The following SLC44A5 variants were observed in gnomAD, a reference collection of about 807,000 sequenced individuals.
SLC44A5 encodes choline transporter-like protein 5.
A neutral mutation model predicts 101.8 loss-of-function variants in SLC44A5; 57 were observed. The observed-to-expected ratio is 0.56, with a 90% CI of 0.45 to 0.70. The LOEUF (loss-of-function observed/expected upper bound fraction) is 0.70. SLC44A5 is among the 30% of genes least tolerant of loss of function. The probability of loss-of-function intolerance (pLI) is 0.00; values close to 1 mark genes in which losing one functional copy is unlikely to be tolerated. For synonymous variants in SLC44A5, 281 were observed against 290.9 expected (o/e 0.97, Z 0.35); for missense variants, 737 against 853.1 (o/e 0.86, Z 1.70).
At chr1:75,604,304 T>C (rs1675191414) in intron 1 of SLC44A5, among the ~76,000 whole-genome samples, 3 of 152,248 alleles carry the variant, frequency 2.0e-5, no homozygotes, top group Middle Eastern at 3.4e-3. Context: ...GTTTACTTTG[T>C]TGAAGGTCAG....
the SLC44A5 span, among the ~76,000 whole-genome samples, chr1:75,699,356 G>T: frequency 4.9e-4 from 74 of 151,968 alleles, 1 homozygote; most frequent in East Asian, 2.7e-3. Flanking sequence ...TTCAACATTC[G>T]TAAAGAAAAG....
intron 3 of SLC44A5, among the ~76,000 whole-genome samples, chr1:75,358,487 T>A (rs1302696301): frequency 6.6e-6 from 1 of 152,178 alleles, no homozygotes; most frequent in East Asian, 1.9e-4. Context: ...TTAAGGTATA[T>A]AATGTGATGA....
At chr1:75,401,921 A>G (rs143759950) in intron 2 of SLC44A5, among the ~76,000 whole-genome samples, 15 of 152,334 alleles carry the variant, frequency 9.8e-5, no homozygotes, top group African/African-American at 3.6e-4. Context: ...CTAGCAGACA[A>G]AATTTCAAGA....
the SLC44A5 span, among the ~76,000 whole-genome samples, chr1:75,674,739 A>G: frequency 2.6e-3 from 392 of 152,318 alleles, 4 homozygotes; most frequent in African/African-American, 9.1e-3. Flanking sequence ...ATAGCCTCAA[A>G]AGGGCAAAAC....
Position 75,339,623 on chromosome 1 carries a change from T to A in SLC44A5, c.60A>T (p.Pro20=). The change falls in exon 4 of 24, where the codon CCA becomes CCT. Residue 20 remains proline (P), a synonymous_variant. Transcript: ENST00000370859. ...CCTTGAAATCTGGGTCATATGTCCT[T>A]GGATCACCTGCATTTAAAACAAAGA... ...TPSEEEDFGD[P]RTYDPDFKGP... The A allele has an allele frequency of 1.2e-6, 2 of 1,608,248 alleles. No homozygotes were observed. The highest frequency in any genetic ancestry group is 1.7e-6 in the Non-Finnish European group (2 of 1,177,138).
intron 2 of SLC44A5, among the ~76,000 whole-genome samples, chr1:75,444,557 A>C (rs969094283): frequency 1.7e-4 from 26 of 150,870 alleles, no homozygotes; most frequent in Admixed American, 1.2e-3. Flanking sequence ...AATAAGGAAA[A>C]ATTTTATTGT....
intron 15 of SLC44A5, 84 bp downstream of exon 15, chr1:75,219,716 G>T: frequency 1.2e-6 from 1 of 846,550 alleles, no homozygotes; most frequent in Non-Finnish European, 1.9e-6. Flanking sequence ...TCTTCCCAGG[G>T]ATAGAAAACA....
chr1:75,242,503 G>A (rs1648722786), intron 8 of SLC44A5, among the ~76,000 whole-genome samples: 1 of 151,986 alleles, frequency 6.6e-6, no homozygotes, highest in African/African-American at 2.4e-5. Context: ...TTATCAAACT[G>A]GGCTTGGAAA....
chr1:75,342,813 G>A (rs1363846848), intron 3 of SLC44A5, among the ~76,000 whole-genome samples: 5 of 152,126 alleles, frequency 3.3e-5, no homozygotes, highest in East Asian at 1.9e-4. Context: ...TGCCTGAAAA[G>A]CTGACATTTT....
intron 1 of SLC44A5, among the ~76,000 whole-genome samples, chr1:75,580,676 T>C (rs1358498215): frequency 6.6e-6 from 1 of 151,808 alleles, no homozygotes; most frequent in Non-Finnish European, 1.5e-5. Flanking sequence ...CTGTCTCTGC[T>C]AAAAATACAA....
At chr1:75,274,834 G>T in intron 6 of SLC44A5, 124 bp downstream of exon 6, 1 of 732,978 alleles carries the variant, frequency 1.4e-6, no homozygotes. Flanking sequence ...TAGAAAAAAG[G>T]GAGGGAAGGC....
At chr1:75,432,737 T>A (rs1194335572) in intron 2 of SLC44A5, among the ~76,000 whole-genome samples, 2 of 152,150 alleles carry the variant, frequency 1.3e-5, no homozygotes, top group Non-Finnish European at 2.9e-5. Flanking sequence ...CAAATGATGT[T>A]TAGAGATCTC....
In SLC44A5 at chr1:75,351,970, G is replaced by A. The variant is rs755897795; in HGVS notation, c.53-12340C>T. On this transcript the variant is annotated intron_variant, in intron 3 of 23. Transcript: ENST00000370859. ...ATTGAATTACTAATATCTAGAATAT[G>A]TAAAAAATCCCCCTTTTTTAAGCAC... Among the ~76,000 whole-genome samples, 36 of 149,812 alleles carry A rather than the reference G, an allele frequency of 2.4e-4. 1 individual carries two copies. The highest frequency in any genetic ancestry group is 4.0e-4 in the Admixed American group (6 of 15,046).
At chr1:75,319,596 A>G (rs1054881926) in intron 4 of SLC44A5, among the ~76,000 whole-genome samples, 1 of 152,248 alleles carries the variant, frequency 6.6e-6, no homozygotes, top group African/African-American at 2.4e-5. Flanking sequence ...CTCCTGAACT[A>G]TATTCTGTAA....
intron 13 of SLC44A5, 94 bp from the exon 14 acceptor site, chr1:75,222,554 T>C (rs1647110409): frequency 2.8e-6 from 2 of 703,198 alleles, no homozygotes; most frequent in South Asian, 3.5e-5. Flanking sequence ...TATGATTATT[T>C]CTGCCAATTC....
intron 5 of SLC44A5, among the ~76,000 whole-genome samples, chr1:75,297,633 T>C (rs1425870707): frequency 6.6e-6 from 1 of 152,248 alleles, no homozygotes; most frequent in Non-Finnish European, 1.5e-5. Flanking sequence ...TTATATTGTA[T>C]ACTTAATGAT....
chr1:75,249,073 T>C (rs1649353066), intron 7 of SLC44A5, among the ~76,000 whole-genome samples: 1 of 151,994 alleles, frequency 6.6e-6, no homozygotes, highest in Non-Finnish European at 1.5e-5. Flanking sequence ...AGGGTAGCAA[T>C]TATTAATACT....
chr1:75,264,763 A>T (rs1233600246), intron 6 of SLC44A5, among the ~76,000 whole-genome samples: 1 of 152,156 alleles, frequency 6.6e-6, no homozygotes, highest in African/African-American at 2.4e-5. Flanking sequence ...AATTAGTAGA[A>T]GTAAATAAAT....
At chr1:75,495,674 G>A (rs1465932775) in intron 2 of SLC44A5, among the ~76,000 whole-genome samples, 9 of 151,248 alleles carry the variant, frequency 6.0e-5, no homozygotes, top group South Asian at 2.1e-4. Flanking sequence ...GACAAGTATC[G>A]GAAATCCTTC....
Sources: allele counts gnomAD v4.1 joint callset (sites outside exome capture counted in the v4.1 genomes callset), GRCh38; gene constraint gnomAD v4.1.1; transcripts MANE v1.5; gene names NCBI Gene and HGNC (gene_info 2026-07-23, HGNC 2026-07-21).